The following COL23A1 variants were observed in gnomAD, a reference collection of about 807,000 sequenced individuals.
COL23A1 encodes the protein collagen alpha-1(XXIII) chain.
Under a neutral mutation model 99.3 loss-of-function variants are expected in COL23A1, and 97 were observed. The ratio of observed to expected loss-of-function variants is 0.98; its 90% CI spans 0.83 to 1.16. COL23A1 has a LOEUF of 1.16. COL23A1 is among the 50% of genes most tolerant of loss of function. The pLI is 0.00. For synonymous variants in COL23A1, 320 were observed against 308.2 expected (o/e 1.04, Z -0.40); for missense variants, 762 against 757.4 (o/e 1.01, Z -0.07).
At chr5:178,424,367 G>GGGCAA (rs2127803074) in intron 2 of COL23A1, among the ~76,000 whole-genome samples, 1 of 152,356 alleles carries the variant, frequency 6.6e-6, no homozygotes, top group African/African-American at 2.4e-5. Context: ...CAGCATTCTA[G>GGGCAA]GGCAAGCACT....
At chr5:178,317,547 G>C (rs2913780) in intron 2 of COL23A1, among the ~76,000 whole-genome samples, 148,860 of 152,380 alleles carry the variant, frequency 0.98, 72,801 homozygotes, top group East Asian at 1. Flanking sequence ...CCTTTTGTTG[G>C]AGGTATGCAG....
chr5:178,251,925 T>TTTTTTTTTTA (rs1554125608), intron 17 of COL23A1, among the ~76,000 whole-genome samples: 3 of 142,790 alleles, frequency 2.1e-5, no homozygotes, highest in Non-Finnish European at 3.1e-5. Flanking sequence ...TTTTTTTTTT[T>TTTTTTTTTTA]ATTTTGAGAC....
intron 3 of COL23A1, among the ~76,000 whole-genome samples, chr5:178,299,839 T>TGC (rs1757936781): frequency 1.4e-5 from 2 of 145,572 alleles, no homozygotes; most frequent in Non-Finnish European, 3.0e-5. Flanking sequence ...CTGCAACCTC[T>TGC]GCCTCCTGGG....
chr5:178,405,077 C>A (rs1764684871), intron 2 of COL23A1, among the ~76,000 whole-genome samples: 1 of 152,370 alleles, frequency 6.6e-6, no homozygotes, highest in African/African-American at 2.4e-5. Context: ...CCCTAAGCAT[C>A]CCTTGGAGCC....
intron 6 of COL23A1, among the ~76,000 whole-genome samples, chr5:178,269,529 A>G (rs1311998166): frequency 2.0e-5 from 2 of 99,496 alleles, no homozygotes; most frequent in Non-Finnish European, 3.9e-5. Flanking sequence ...CCATCCACCC[A>G]CCCATCTATC....
At position 178,308,456 on chromosome 5, in the gene COL23A1, A is replaced by C. The variant is rs771804960; in HGVS notation, c.362-1537T>G. 5.3e-5 allele frequency among the ~76,000 whole-genome samples: 8 copies of C among 152,132 alleles called. No homozygotes were observed. Among genetic ancestry groups the C allele is most frequent in the Admixed American group, 2.6e-4 (4 of 15,262 alleles). On this transcript the variant is annotated intron_variant, in intron 2 of 28. Transcript: ENST00000390654. The surrounding 1 kb of genome is among the most constrained non-coding windows in gnomAD (Gnocchi z 5.1). ...TGGTTTTCTCCCATCCTGGACACAG[A>C]CCCTGAATTTGGGGTTTATGCTGGA...
rs1471822994 is a variant in COL23A1 at position 178,434,432 on chromosome 5, A to T, written c.361+126250T>A. On this transcript the variant is annotated intron_variant, in intron 2 of 28. Transcript: ENST00000390654. This position sits in a 1 kb window ranked among gnomAD's most constrained non-coding sequence, Gnocchi z 4.3. Reference sequence around the variant, plus strand: ...AAAATGCCTGGACCAGGACTTGGACATTGGGCGGCTGTGTGACAGGCATGG... The same window carrying T: ...AAAATGCCTGGACCAGGACTTGGACTTTGGGCGGCTGTGTGACAGGCATGG... 6.6e-6 allele frequency among the ~76,000 whole-genome samples: 1 copy of T among 152,226 alleles called. No individual in the cohort carries two copies. Among genetic ancestry groups the T allele is most frequent in the Non-Finnish European group, 1.5e-5 (1 of 68,030 alleles).
intron 2 of COL23A1, among the ~76,000 whole-genome samples, chr5:178,356,523 G>A (rs1160470299): frequency 2.0e-5 from 3 of 152,194 alleles, no homozygotes; most frequent in Non-Finnish European, 1.5e-5. Context: ...CTGGAGGCAG[G>A]GGTGGGAGGA....
At chr5:178,462,919 G>T (rs1048492451) in intron 2 of COL23A1, among the ~76,000 whole-genome samples, 1 of 152,214 alleles carries the variant, frequency 6.6e-6, no homozygotes, top group African/African-American at 2.4e-5. Flanking sequence ...ACTGCGGAAC[G>T]AGGAGGAGAG....
intron 2 of COL23A1, among the ~76,000 whole-genome samples, chr5:178,405,878 G>A (rs1764737310): frequency 6.6e-6 from 1 of 151,874 alleles, no homozygotes; most frequent in Non-Finnish European, 1.5e-5. Flanking sequence ...CAAGGCGGGT[G>A]GATCACTTGA....
At chr5:178,258,262 T>TATATATATATATATATATACATACAC in intron 12 of COL23A1, among the ~76,000 whole-genome samples, 2 of 104,064 alleles carry the variant, frequency 1.9e-5, no homozygotes, top group Admixed American at 1.0e-4. Flanking sequence ...TATATATATA[T>TATATATATATATATATATACATACAC]ACACATGCAA....
rs189261011 is a variant in COL23A1, at chr5:178,326,378, T to C, written c.362-19459A>G. On this transcript the variant is annotated intron_variant, in intron 2 of 28. Transcript: ENST00000390654. ...CATCGCTGCTCTTTCCAAACATACT[T>C]GGAAGTGGATTCAAAGTTTATTTAG... is the stretch of plus-strand genomic sequence containing the variant. Among the ~76,000 whole-genome samples the C allele has an allele frequency of 5.2e-4, 78 of 150,780 alleles. 2 individuals carry two copies. Among genetic ancestry groups the C allele is most frequent in the African/African-American group, 1.6e-3 (65 of 41,032 alleles).
At chr5:178,574,338 A>G (rs1763245810) in intron 1 of COL23A1, among the ~76,000 whole-genome samples, 1 of 151,998 alleles carries the variant, frequency 6.6e-6, no homozygotes, top group African/African-American at 2.4e-5. Context: ...ATTTGTCAAC[A>G]TCCATCTAAC....
chr5:178,384,175 G>A lies in COL23A1; in HGVS notation c.362-77256C>T, dbSNP rs1056052404. Among the ~76,000 whole-genome samples the A allele has an allele frequency of 7.9e-5, 12 of 152,238 alleles. No homozygotes were observed. The East Asian group carries it at 1.9e-3, about 25-fold the overall frequency. Reference sequence around the variant, plus strand: ...AAGACCGAGAGGCAGGGTCAGGGGCGGCACTTTTAAGATAGTGACAACGAG... The same window carrying A: ...AAGACCGAGAGGCAGGGTCAGGGGCAGCACTTTTAAGATAGTGACAACGAG... On this transcript the variant is annotated intron_variant, in intron 2 of 28. Coordinates refer to ENST00000390654, the MANE Select transcript of COL23A1 (RefSeq NM_173465.4). This position sits in a 1 kb window ranked among gnomAD's most constrained non-coding sequence, Gnocchi z 5.5.
At chr5:178,299,973 A>G (rs1581107832) in intron 3 of COL23A1, among the ~76,000 whole-genome samples, 1 of 152,128 alleles carries the variant, frequency 6.6e-6, no homozygotes. Flanking sequence ...AGGTTGGTCT[A>G]GAACTCCTGA....
In COL23A1 at chr5:178,404,217, A is replaced by G. The variant is rs545555072; in HGVS notation, c.362-97298T>C. Among the ~76,000 whole-genome samples the G allele has an allele frequency of 1.4e-4, 22 of 152,360 alleles. No homozygotes were observed. In the South Asian group the frequency reaches 4.3e-3, roughly 30 times the overall value. ...TCTTCAGATCCCCTTGTGGGGTACC[A>G]TGCCCATCACAAGGAGTGGCCACAC... On this transcript the variant is annotated intron_variant, in intron 2 of 28. Transcript: ENST00000390654.
intron 2 of COL23A1, among the ~76,000 whole-genome samples, chr5:178,342,614 G>A (rs946677666): frequency 6.6e-6 from 1 of 152,208 alleles, no homozygotes; most frequent in Non-Finnish European, 1.5e-5. Context: ...TGCAGCAGTG[G>A]CTCTGTGTGT....
chr5:178,332,078 G>A lies in COL23A1; in HGVS notation c.362-25159C>T, dbSNP rs1370378703. Among the ~76,000 whole-genome samples, 4 of 152,208 alleles carry A rather than the reference G, an allele frequency of 2.6e-5. No homozygotes were observed. The East Asian group carries it at 5.8e-4, about 22-fold the overall frequency. On this transcript the variant is annotated intron_variant, in intron 2 of 28. Coordinates refer to ENST00000390654, the MANE Select transcript of COL23A1 (RefSeq NM_173465.4). ...CTCAGGAGCCTTCTGGCGGTGTGAA[G>A]GTCCTGCTCCGGGACTACCCCAGGG... is the stretch of plus-strand genomic sequence containing the variant.
intron 2 of COL23A1, among the ~76,000 whole-genome samples, chr5:178,412,123 A>G (rs1185310680): frequency 6.6e-6 from 1 of 152,242 alleles, no homozygotes; most frequent in Non-Finnish European, 1.5e-5. Context: ...GTATCGATCA[A>G]TTGAGGAGTG....
Sources: allele counts gnomAD v4.1 joint callset (sites outside exome capture counted in the v4.1 genomes callset), GRCh38; gene constraint gnomAD v4.1.1; non-coding constraint Gnocchi (gnomAD v3.1); transcripts MANE v1.5; gene names NCBI Gene and HGNC (gene_info 2026-07-23, HGNC 2026-07-21).